Variants in DMD observed in about 807,000 individuals in gnomAD.
DMD encodes the protein mutant dystrophin.
In DMD, 63 loss-of-function variants were observed where a neutral mutation model predicts 330.1. The ratio of observed to expected loss-of-function variants is 0.19; its 90% CI spans 0.16 to 0.24. DMD has a LOEUF of 0.24. Among genes scored for constraint, DMD ranks in the 10% least tolerant of loss-of-function variants. The pLI, the probability that DMD is intolerant of heterozygous loss-of-function variation, is 1.00. For synonymous variants in DMD, 1,223 were observed against 959.8 expected (o/e 1.27, Z -5.07); for missense variants, 3,344 against 2,684.1 (o/e 1.25, Z -5.43).
In DMD at chrX:32,614,380, C is replaced by T. The variant is rs774163062; in HGVS notation, c.1405G>A (p.Glu469Lys). 2 of 1,207,984 alleles carry T rather than the reference C, an allele frequency of 1.7e-6. No homozygotes were observed. The highest frequency in any genetic ancestry group is 3.0e-5 in the East Asian group (1 of 33,710). ...ELNDWLTKTE[E>K]RTRKMEEEPL... Reference sequence around the variant, plus strand: ...TCTTCCTCCATTTTCCTTGTTCTTTCTTCTGTTTTTGTTAGCCAGTCATTC... The same window carrying T: ...TCTTCCTCCATTTTCCTTGTTCTTTTTTCTGTTTTTGTTAGCCAGTCATTC... Residue 469 changes from glutamate to lysine, a missense_variant, in exon 12 of 79, where the codon GAA (glutamate) becomes AAA (lysine). Coordinates refer to ENST00000357033, the MANE Select transcript of DMD (RefSeq NM_004006.3).
chrX:32,708,794 G>A (rs913959865), intron 7 of DMD, among the ~76,000 whole-genome samples: 4 of 111,612 alleles, frequency 3.6e-5, no homozygotes, highest in Non-Finnish European at 7.5e-5. Flanking sequence ...ATTTATGTGG[G>A]ATGGTGTCAT....
In DMD at chrX:32,409,314, T is replaced by C. The variant is rs1459922990; in HGVS notation, c.4233+2438A>G. Among the ~76,000 whole-genome samples, 5 of 111,833 alleles carry C rather than the reference T, an allele frequency of 4.5e-5. No individual in the cohort carries two copies. The East Asian group carries it at 1.4e-3, about 31-fold the overall frequency. On this transcript the variant is annotated intron_variant, in intron 30 of 78. Coordinates refer to ENST00000357033, the MANE Select transcript of DMD (RefSeq NM_004006.3). ...GCATGGAAAATAGATTTGATCTGAA[T>C]GCCCAAAATCTCTTTCTTGAAGTAG...
intron 1 of DMD, among the ~76,000 whole-genome samples, chrX:33,098,628 C>T (rs778964894): frequency 7.2e-5 from 8 of 111,592 alleles, no homozygotes; most frequent in African/African-American, 2.6e-4. Flanking sequence ...TATTTAGAAA[C>T]AGAATGCTTG....
At chrX:31,617,660 T>C (rs1483886666) in intron 55 of DMD, among the ~76,000 whole-genome samples, 2 of 110,544 alleles carry the variant, frequency 1.8e-5, no homozygotes, top group Non-Finnish European at 3.8e-5. Context: ...TGGAAAGCAG[T>C]TTGGAAATAC....
intron 1 of DMD, among the ~76,000 whole-genome samples, chrX:33,180,116 G>A (rs2049911144): frequency 2.7e-5 from 3 of 111,881 alleles, no homozygotes; most frequent in East Asian, 5.7e-4. Flanking sequence ...GATTACAGGC[G>A]TGAGCCACTG....
intron 47 of DMD, among the ~76,000 whole-genome samples, chrX:31,902,699 C>T (rs2094437328): frequency 9.0e-6 from 1 of 111,680 alleles, no homozygotes; most frequent in East Asian, 2.8e-4. Flanking sequence ...ATTTGTTGAA[C>T]ATCTCCTAGG....
chrX:31,537,855 T>C (rs1460539299), intron 55 of DMD, among the ~76,000 whole-genome samples: 1 of 112,151 alleles, frequency 8.9e-6, no homozygotes, highest in East Asian at 2.8e-4. Context: ...ACCCTTACCA[T>C]CTATAGGTTG....
chrX:32,447,984 T>C (rs868152357), intron 27 of DMD, among the ~76,000 whole-genome samples: 19 of 111,068 alleles, frequency 1.7e-4, no homozygotes, highest in African/African-American at 5.9e-4. Flanking sequence ...CAAAGAACTC[T>C]ATGGGGCACG....
intron 50 of DMD, among the ~76,000 whole-genome samples, chrX:31,775,046 A>T (rs1024397513): frequency 9.0e-6 from 1 of 111,402 alleles, no homozygotes; most frequent in East Asian, 2.8e-4. Context: ...TCTAAGTTTC[A>T]GTTCTAACAT....
chrX:32,904,695 T>A (rs915283402), intron 2 of DMD, among the ~76,000 whole-genome samples: 14 of 112,039 alleles, frequency 1.2e-4, no homozygotes, highest in African/African-American at 4.5e-4. Flanking sequence ...TGCCTCAGCC[T>A]CCCAAGTAGC....
intron 43 of DMD, among the ~76,000 whole-genome samples, chrX:32,218,341 C>T (rs1411490993): frequency 2.7e-5 from 3 of 111,563 alleles, no homozygotes; most frequent in Non-Finnish European, 5.7e-5. Context: ...TGAAATCTTA[C>T]TGGGCTTACA....
intron 1 of DMD, among the ~76,000 whole-genome samples, chrX:33,149,237 C>G (rs2048168458): frequency 9.0e-6 from 1 of 111,428 alleles, no homozygotes; most frequent in Admixed American, 9.6e-5. Context: ...TGACGGGAGA[C>G]AGTGACACAT....
At chrX:31,703,256 A>G (rs113329300) in intron 52 of DMD, among the ~76,000 whole-genome samples, 12 of 112,228 alleles carry the variant, frequency 1.1e-4, no homozygotes, top group African/African-American at 3.9e-4. Flanking sequence ...GCCTTTGTCT[A>G]CTTTTCTAGT....
At chrX:31,716,322 C>T (rs1002509398) in intron 52 of DMD, among the ~76,000 whole-genome samples, 3 of 112,089 alleles carry the variant, frequency 2.7e-5, no homozygotes, top group Non-Finnish European at 5.6e-5. Context: ...GAGGCCGAGG[C>T]GGGTGGATCA....
chrX:32,631,046 G>A lies in DMD; in HGVS notation c.1331+13086C>T, dbSNP rs1211040084. ...GGTCACTGCAGCCATATATGCACTG[G>A]GGTGCACCCAAGCCCAGTAATGCTG... is the stretch of plus-strand genomic sequence containing the variant. On this transcript the variant is annotated intron_variant, in intron 11 of 78. Transcript: ENST00000357033. Among the ~76,000 whole-genome samples the A allele has an allele frequency of 1.8e-5, 2 of 111,920 alleles. 1 individual carries two copies. The highest frequency in any genetic ancestry group is 7.5e-4 in the South Asian group (2 of 2,667).
chrX:32,922,704 C>T (rs1289829137), intron 2 of DMD, among the ~76,000 whole-genome samples: 2 of 112,378 alleles, frequency 1.8e-5, no homozygotes, highest in African/African-American at 3.2e-5. Flanking sequence ...TGCTGTTCCC[C>T]CTGGTTTCTA....
intron 5 of DMD, among the ~76,000 whole-genome samples, chrX:32,821,306 C>T (rs572465149): frequency 1.8e-5 from 2 of 111,397 alleles, no homozygotes; most frequent in South Asian, 3.8e-4. Flanking sequence ...AAATTCAAGC[C>T]GGGCGCAGTG....
intron 1 of DMD, chrX:33,128,137 T>A: frequency 1.7e-6 from 2 of 1,207,674 alleles, no homozygotes; most frequent in Non-Finnish European, 2.2e-6. Context: ...TATCTGCAGC[T>A]TTTACTCACC....
At chrX:32,684,580 C>A (rs1219217347) in intron 9 of DMD, among the ~76,000 whole-genome samples, 2 of 111,120 alleles carry the variant, frequency 1.8e-5, no homozygotes, top group African/African-American at 6.5e-5. Context: ...TGTCATAAGC[C>A]CTCTTACAAC....
Sources: gnomAD v4.1 joint callset for allele counts (sites outside exome capture counted in the v4.1 genomes callset) on GRCh38, gnomAD v4.1.1 for gene constraint, MANE v1.5 for transcripts, NCBI Gene and HGNC (gene_info 2026-07-23, HGNC 2026-07-21) for gene names.